Variants in EML5 observed in about 807,000 individuals in gnomAD.
The protein encoded by EML5 is echinoderm microtubule-associated protein-like 5.
A neutral mutation model predicts 250.0 loss-of-function variants in EML5; 120 were observed. The observed-to-expected ratio is 0.48, with a 90% confidence interval of 0.41 to 0.56. The LOEUF is 0.56. Ranked by LOEUF, EML5 falls within the 20% of genes least tolerant of loss-of-function variation. EML5 has a pLI of 0.00. For synonymous variants in EML5, 771 were observed against 806.5 expected, an observed-to-expected ratio of 0.96 and a Z score of 0.75; for missense variants, 2,006 against 2,437.6, an observed-to-expected ratio of 0.82 and a Z score of 3.73.
chr14:88,703,685 A>G (rs1476543656), intron 13 of EML5, among the ~76,000 whole-genome samples: 6 of 152,218 alleles, frequency 3.9e-5, no homozygotes, highest in Non-Finnish European at 8.8e-5. Context: ...GGTAGAAAAG[A>G]GTCAGATTGG....
chr14:88,692,659 C>T (rs2092987447), intron 17 of EML5, among the ~76,000 whole-genome samples: 1 of 152,180 alleles, frequency 6.6e-6, no homozygotes, highest in Admixed American at 6.5e-5. Context: ...TGAGGTACAA[C>T]TGTAGTATAT....
chr14:88,672,519 C>T (rs1411517094), intron 21 of EML5, among the ~76,000 whole-genome samples: 2 of 151,954 alleles, frequency 1.3e-5, no homozygotes, highest in Admixed American at 6.6e-5. Flanking sequence ...AACCCCGAAG[C>T]TAGCAGAAGA....
chr14:88,646,749 A>G (rs554988619), intron 29 of EML5, among the ~76,000 whole-genome samples, 198 bp downstream of exon 29: 40 of 152,312 alleles, frequency 2.6e-4, no homozygotes, highest in African/African-American at 9.4e-4. Flanking sequence ...AAGTTTTAGT[A>G]AAGCAGTTAC....
intron 27 of EML5, among the ~76,000 whole-genome samples, chr14:88,655,333 A>C (rs2091828228): frequency 6.6e-6 from 1 of 152,190 alleles, no homozygotes; most frequent in Non-Finnish European, 1.5e-5. Flanking sequence ...ACATATCTAC[A>C]ACAATCTGAT....
intron 1 of EML5, among the ~76,000 whole-genome samples, chr14:88,778,183 G>C (rs762054862): frequency 6.6e-6 from 1 of 151,558 alleles, no homozygotes; most frequent in African/African-American, 2.4e-5. Context: ...TATCACCAGA[G>C]AACATCACCT....
intron 1 of EML5, among the ~76,000 whole-genome samples, chr14:88,778,291 A>G (rs918590067): frequency 3.3e-5 from 5 of 152,260 alleles, no homozygotes; most frequent in African/African-American, 7.2e-5. Context: ...TTACTTATCA[A>G]TAACAATAAA....
chr14:88,652,261 G>C (rs1232250764), intron 27 of EML5, among the ~76,000 whole-genome samples: 1 of 152,004 alleles, frequency 6.6e-6, no homozygotes, highest in East Asian at 1.9e-4. Flanking sequence ...GCTATGATCT[G>C]AGGTACATGA....
chr14:88,788,602 C>T (rs1205314736), intron 1 of EML5, among the ~76,000 whole-genome samples: 4 of 151,900 alleles, frequency 2.6e-5, no homozygotes, highest in African/African-American at 9.7e-5. Flanking sequence ...CTCTGACTCC[C>T]ATAAGGAAAG....
intron 1 of EML5, among the ~76,000 whole-genome samples, chr14:88,781,019 A>C (rs778227302): frequency 2.0e-4 from 30 of 152,200 alleles, no homozygotes; most frequent in Non-Finnish European, 3.8e-4. Flanking sequence ...GACACAGAAA[A>C]CTAACCATCA....
intron 24 of EML5, among the ~76,000 whole-genome samples, chr14:88,662,663 C>A (rs2092160560): frequency 6.6e-6 from 1 of 151,772 alleles, no homozygotes; most frequent in Non-Finnish European, 1.5e-5. Context: ...CCACCTCAGC[C>A]TCCCAAGTAA....
chr14:88,681,889 C>T lies in EML5; in HGVS notation c.3124+1G>A. On this transcript the variant is annotated splice_donor_variant, in intron 21 of 43. Coordinates refer to ENST00000554922, the MANE Select transcript of EML5 (RefSeq NM_183387.3). LOFTEE classifies it high-confidence loss of function. ...TACGTTCAAGTGTGAGAGCCTCTTA[C>T]CCTTTTTCAGCTTCCGGACAGCCAA... 1 of 1,604,656 alleles carries T rather than the reference C, an allele frequency of 6.2e-7. No homozygotes were observed. Among genetic ancestry groups the T allele is most frequent in the Non-Finnish European group, 8.5e-7 (1 of 1,176,566 alleles).
In EML5 at chr14:88,735,003, C is replaced by T. The variant is rs183459301; in HGVS notation, c.1049+1361G>A. On this transcript the variant is annotated intron_variant, in intron 7 of 43. Coordinates refer to ENST00000554922, the MANE Select transcript of EML5 (RefSeq NM_183387.3). Reference sequence around the variant, plus strand: ...TTCTATACTAGCTAGATACAGAACACTGTGTGATAACAGTATTGTGGTGAT... The same window carrying T: ...TTCTATACTAGCTAGATACAGAACATTGTGTGATAACAGTATTGTGGTGAT... Among the ~76,000 whole-genome samples the T allele has an allele frequency of 5.8e-3, 882 of 152,106 alleles. 16 individuals carry two copies. Among genetic ancestry groups the T allele is most frequent in the African/African-American group, 0.021 (858 of 41,480 alleles).
Position 88,744,085 on chromosome 14 carries a change from C to G in EML5, c.463G>C (p.Asp155His). The G allele has an allele frequency of 6.4e-7, 1 of 1,562,718 alleles. No homozygotes were observed. The highest frequency in any genetic ancestry group is 8.7e-7 in the Non-Finnish European group (1 of 1,150,168). The change falls in exon 4 of 44, where the codon GAT becomes CAT. Residue 155 changes from aspartate to histidine, a missense_variant. Transcript: ENST00000554922. ...GGCTGGTACAAATCCCAAGAAATATCAAATATCTGTAAACAAATCAGATTC... is the reference window on the plus strand; with the variant it reads ...GGCTGGTACAAATCCCAAGAAATATGAAATATCTGTAAACAAATCAGATTC... ...MAPGHTDRIFDISWDLYQPNK... is the reference protein window; with the variant it reads ...MAPGHTDRIFHISWDLYQPNK...
Position 88,715,138 on chromosome 14 carries a change from T to C in EML5, c.1245A>G (p.Lys415=). ...CAAGGTAAGTTCCATCTGGTGAATA[T>C]TTTAACTCATGAATTGCCTCCTTCC... ...KDRKEAIHEL[K]YSPDGTYLAV... Residue 415 remains lysine, a synonymous_variant, in exon 9 of 44, where the codon AAA becomes AAG. Coordinates refer to ENST00000554922, the MANE Select transcript of EML5 (RefSeq NM_183387.3). 1 of 1,611,312 alleles carries C rather than the reference T, an allele frequency of 6.2e-7. No homozygotes were observed. The highest frequency in any genetic ancestry group is 8.5e-7 in the Non-Finnish European group (1 of 1,178,466).
At chr14:88,679,362 GCTTT>G (rs1383811329) in intron 21 of EML5, among the ~76,000 whole-genome samples, 3 of 151,768 alleles carry the variant, frequency 2.0e-5, no homozygotes, top group Non-Finnish European at 4.4e-5. Context: ...ACCTGGAAAT[GCTTT>G]CTTTAAAATA....
Position 88,615,335 on chromosome 14 carries a change from G to T in EML5, c.*483C>A, listed in dbSNP as rs1172807648. On this transcript the variant is annotated 3_prime_UTR_variant, in exon 44 of 44. Transcript: ENST00000554922. ...AAAATGTTTGCCTTTTAAAAACTGT[G>T]ATCCTTTAGGATGATCATGACTTTC... is the stretch of plus-strand genomic sequence containing the variant. The T allele has an allele frequency of 6.6e-6, 1 of 152,442 alleles. No individual in the cohort carries two copies. The highest frequency in any genetic ancestry group is 1.5e-5 in the Non-Finnish European group (1 of 68,210). 9.4% of individuals were successfully genotyped at this position (152,442 alleles called of 1,614,324 possible). A position where few individuals can be genotyped will look rare whatever the true frequency, so the allele number is the denominator to read the frequency against.
At position 88,616,811 on chromosome 14, in the gene EML5, C is replaced by A; in HGVS notation, c.5711G>T (p.Cys1904Phe). The A allele has an allele frequency of 1.2e-6, 2 of 1,613,912 alleles. No homozygotes were observed. Among genetic ancestry groups the A allele is most frequent in the Non-Finnish European group, 1.7e-6 (2 of 1,179,842 alleles). ...HAEKADVNCA[C>F]VSHSGISLVT... is the part of the protein sequence containing the mutation. ...AAGACTGATTCCTGAATGAGATACA[C>A]AGGCACAGTTGACATCAGCTTTCTC... The change falls in exon 42 of 44, where the codon TGT becomes TTT. Residue 1904 changes from cysteine (C) to phenylalanine (F), a missense_variant. Coordinates refer to ENST00000554922, the MANE Select transcript of EML5 (RefSeq NM_183387.3).
Position 88,759,698 on chromosome 14 carries a change from A to AAAAAAAAAAAAAAAAAAAAC in EML5, c.198-5028_198-5027insGTTTTTTTTTTTTTTTTTTT, listed in dbSNP as rs758968634. Reference sequence around the variant, plus strand: ...GTCACCATCTCTTAAAAAAAAAAAAAAAAAAACTGGGGAGAAAAACTATGC... The same window carrying AAAAAAAAAAAAAAAAAAAAC: ...GTCACCATCTCTTAAAAAAAAAAAAAAAAAAAAAAAAAAAAAAAACAAAAAACTGGGGAGAAAAACTATGC... On this transcript the variant is annotated intron_variant, in intron 1 of 43. Coordinates refer to ENST00000554922, the MANE Select transcript of EML5 (RefSeq NM_183387.3). Among the ~76,000 whole-genome samples the AAAAAAAAAAAAAAAAAAAAC allele has an allele frequency of 7.0e-5, 10 of 142,108 alleles. 1 individual carries two copies. Among genetic ancestry groups the AAAAAAAAAAAAAAAAAAAAC allele is most frequent in the African/African-American group, 1.1e-4 (4 of 37,006 alleles). The allele number at this position is 142,108 out of a possible 152,430, so 93.2% of individuals were successfully genotyped here.
In EML5 at chr14:88,738,981, CT is replaced by C; in HGVS notation, c.744del (p.Gly249AlafsTer16). The C allele has an allele frequency of 6.2e-7, 1 of 1,608,746 alleles. No individual in the cohort carries two copies. The highest frequency in any genetic ancestry group is 8.5e-7 in the Non-Finnish European group (1 of 1,178,162). On this transcript the variant is annotated frameshift_variant, in exon 6 of 44. Coordinates refer to ENST00000554922, the MANE Select transcript of EML5 (RefSeq NM_183387.3). LOFTEE classifies it high-confidence loss of function. ...AGIFSMNACE[E>X]GFATGGRDGC... is the part of the protein sequence containing the mutation. ...CCATCTCTGCCACCAGTAGCAAAGC[CT>C]TCTTCACAAGCATTCATGCTAAAAA... is the stretch of plus-strand genomic sequence containing the variant.
Sources: gnomAD v4.1 joint callset for allele counts (sites outside exome capture counted in the v4.1 genomes callset) on GRCh38, gnomAD v4.1.1 for gene constraint, MANE v1.5 for transcripts, NCBI Gene and HGNC (gene_info 2026-07-23, HGNC 2026-07-21) for gene names.